STPG2: variants seen among roughly 807,000 people sequenced by gnomAD.
STPG2 encodes the protein sperm tail PG-rich repeat containing 2.
In STPG2, 56 loss-of-function variants were observed where a neutral mutation model predicts 54.2. That is an observed-to-expected ratio of 1.03 (90% CI 0.83 to 1.29). The LOEUF (loss-of-function observed/expected upper bound fraction) is 1.29, where lower values mean the gene tolerates loss of function less well. Ranked by LOEUF, STPG2 falls within the 50% of genes most tolerant of loss-of-function variation. The pLI, the probability that STPG2 is intolerant of heterozygous loss-of-function variation, is 0.00. For missense variants in STPG2, 596 were observed against 544.9 expected (o/e 1.09, Z -0.93); for synonymous variants, 200 against 181.8 (o/e 1.10, Z -0.81).
chr4:97,751,532 T>G (rs1439382858), intron 9 of STPG2, among the ~76,000 whole-genome samples: 1 of 151,810 alleles, frequency 6.6e-6, no homozygotes, highest in Non-Finnish European at 1.5e-5. Flanking sequence ...AAGGTTCAAA[T>G]TGAACATATT....
chr4:98,000,456 C>A (rs528432711), intron 5 of STPG2, among the ~76,000 whole-genome samples: 1 of 133,144 alleles, frequency 7.5e-6, no homozygotes, highest in African/African-American at 3.0e-5. Context: ...ACAGTTAACT[C>A]TTTAAGTGAT....
At chr4:97,854,436 A>G (rs965385708) in intron 8 of STPG2, among the ~76,000 whole-genome samples, 1 of 146,886 alleles carries the variant, frequency 6.8e-6, no homozygotes, top group Non-Finnish European at 1.5e-5. Flanking sequence ...CTTAAACTTT[A>G]GTTATTATTA....
At chr4:97,446,477 T>C (rs1729224786) in intron 4 of STPG2, among the ~76,000 whole-genome samples, 1 of 152,172 alleles carries the variant, frequency 6.6e-6, no homozygotes, top group African/African-American at 2.4e-5. Context: ...TTATGGATTA[T>C]AAAAATGTAG....
chr4:97,836,473 T>G (rs1728636465), intron 9 of STPG2, among the ~76,000 whole-genome samples: 1 of 151,940 alleles, frequency 6.6e-6, no homozygotes, highest in South Asian at 2.1e-4. Flanking sequence ...CTAAACATAT[T>G]TTTTATGTAC....
At chr4:98,095,584 T>C (rs1257460701) in intron 5 of STPG2, among the ~76,000 whole-genome samples, 1 of 152,240 alleles carries the variant, frequency 6.6e-6, no homozygotes, top group African/African-American at 2.4e-5. Flanking sequence ...AAGGTCATTA[T>C]ATAATGACAA....
At chr4:97,636,125 C>A (rs370604958) in intron 10 of STPG2, among the ~76,000 whole-genome samples, 8 of 149,374 alleles carry the variant, frequency 5.4e-5, no homozygotes, top group East Asian at 2.0e-4. Context: ...AAAGAACAGA[C>A]ATTATAACAA....
intron 9 of STPG2, among the ~76,000 whole-genome samples, chr4:97,756,490 T>A (rs1176612878): frequency 1.3e-5 from 2 of 151,754 alleles, no homozygotes; most frequent in African/African-American, 4.8e-5. Context: ...CCCGGCTAAT[T>A]TTTTTGTATT....
intron 4 of STPG2, among the ~76,000 whole-genome samples, chr4:97,531,374 G>C (rs1445044725): frequency 1.3e-5 from 2 of 152,162 alleles, no homozygotes; most frequent in African/African-American, 2.4e-5. Context: ...TAAAAGAAAG[G>C]AAATTAGTAC....
chr4:98,074,794 T>C (rs1474173709), intron 5 of STPG2, among the ~76,000 whole-genome samples: 2 of 152,224 alleles, frequency 1.3e-5, no homozygotes, highest in Non-Finnish European at 2.9e-5. Flanking sequence ...TTTTATAAAC[T>C]CAGTTATCTG....
chr4:98,088,581 C>T (rs13148913), intron 5 of STPG2, among the ~76,000 whole-genome samples: 59,495 of 149,794 alleles, frequency 0.4, 11,894 homozygotes, highest in Middle Eastern at 0.46. Flanking sequence ...AAACCTAGAT[C>T]TTATTTTGGC....
intron 7 of STPG2, among the ~76,000 whole-genome samples, chr4:97,964,068 G>C (rs560361930): frequency 3.3e-5 from 5 of 152,262 alleles, no homozygotes; most frequent in Admixed American, 3.3e-4. Context: ...TGATGGGTCT[G>C]AAATTTTGCC....
intron 10 of STPG2, among the ~76,000 whole-genome samples, chr4:97,562,121 C>T: frequency 6.6e-6 from 1 of 152,190 alleles, no homozygotes; most frequent in Admixed American, 6.5e-5. Flanking sequence ...TTTCATTGAG[C>T]AGTGGTTTGT....
At chr4:97,906,245 C>A (rs1405837693) in intron 8 of STPG2, among the ~76,000 whole-genome samples, 1 of 152,180 alleles carries the variant, frequency 6.6e-6, no homozygotes, top group African/African-American at 2.4e-5. Context: ...CACCTCTACG[C>A]AAATAAACTA....
chr4:97,757,859 C>T (rs1046853975), intron 9 of STPG2, among the ~76,000 whole-genome samples: 4 of 152,108 alleles, frequency 2.6e-5, no homozygotes, highest in Admixed American at 2.6e-4. Flanking sequence ...ATACTAGCCC[C>T]AATTTACCAT....
intron 10 of STPG2, among the ~76,000 whole-genome samples, chr4:97,635,248 T>C (rs1215018605): frequency 6.6e-6 from 1 of 152,106 alleles, no homozygotes; most frequent in Non-Finnish European, 1.5e-5. Context: ...CTAAGCTTCA[T>C]AAGTGAAGGA....
At chr4:97,877,749 C>A (rs999064253) in intron 8 of STPG2, among the ~76,000 whole-genome samples, 1 of 152,108 alleles carries the variant, frequency 6.6e-6, no homozygotes, top group Non-Finnish European at 1.5e-5. Context: ...TATCATTCCA[C>A]CCCTGGCCCC....
At chr4:97,951,852 T>C (rs150021329) in intron 7 of STPG2, among the ~76,000 whole-genome samples, 1 of 152,210 alleles carries the variant, frequency 6.6e-6, no homozygotes, top group East Asian at 1.9e-4. Flanking sequence ...TGGTTGTGAT[T>C]AAAGCAGGTG....
chr4:97,563,931 C>T (rs1276112294), intron 10 of STPG2, among the ~76,000 whole-genome samples: 1 of 152,176 alleles, frequency 6.6e-6, no homozygotes, highest in Non-Finnish European at 1.5e-5. Flanking sequence ...GTGGAGAGTT[C>T]TGTAGATGTC....
chr4:97,999,909 G>A (rs1039564320), intron 5 of STPG2, among the ~76,000 whole-genome samples: 7 of 152,184 alleles, frequency 4.6e-5, no homozygotes, highest in Non-Finnish European at 1.5e-5. Context: ...CATGGCATCT[G>A]AGGCCATGAA....
Sources: gnomAD v4.1 joint callset for allele counts (sites outside exome capture counted in the v4.1 genomes callset) on GRCh38, gnomAD v4.1.1 for gene constraint, MANE v1.5 for transcripts, NCBI Gene and HGNC (gene_info 2026-07-23, HGNC 2026-07-21) for gene names.